The following PTPRT variants were observed in gnomAD, a reference collection of about 807,000 sequenced individuals.
The protein encoded by PTPRT is receptor-type tyrosine-protein phosphatase T.
Under a neutral mutation model 176.8 loss-of-function variants are expected in PTPRT, and 56 were observed. The observed-to-expected ratio is 0.32, with a 90% CI of 0.26 to 0.40. PTPRT has a LOEUF of 0.40. Among genes scored for constraint, PTPRT ranks in the 10% least tolerant of loss-of-function variants. The pLI, the probability that PTPRT is intolerant of heterozygous loss-of-function variation, is 1.00. For missense variants in PTPRT, 1,540 were observed against 1,908.2 expected, an observed-to-expected ratio of 0.81 and a Z score of 3.60; for synonymous variants, 783 against 739.0, an observed-to-expected ratio of 1.06 and a Z score of -0.96.
At chr20:42,196,619 T>C (rs960237577) in intron 16 of PTPRT, among the ~76,000 whole-genome samples, 1 of 152,182 alleles carries the variant, frequency 6.6e-6, no homozygotes, top group Non-Finnish European at 1.5e-5. Flanking sequence ...AGATGCAAAA[T>C]TATAGCTAGG....
At chr20:42,360,776 A>C (rs541963604) in intron 9 of PTPRT, among the ~76,000 whole-genome samples, 193 of 152,284 alleles carry the variant, frequency 1.3e-3, no homozygotes, top group African/African-American at 4.4e-3. Flanking sequence ...AAATAATCCC[A>C]TGATCCTGCT....
chr20:42,040,837 C>T, the PTPRT span, among the ~76,000 whole-genome samples: 3 of 152,158 alleles, frequency 2.0e-5, no homozygotes, highest in Non-Finnish European at 4.4e-5. Context: ...CATCATGTGC[C>T]TTCAGGGGGT....
intron 7 of PTPRT, among the ~76,000 whole-genome samples, chr20:42,554,188 CCATT>C (rs2072820216): frequency 6.6e-6 from 1 of 152,064 alleles, no homozygotes; most frequent in South Asian, 2.1e-4. Context: ...CTCTTGTATG[CCATT>C]CAGGGGCATC....
At position 42,124,442 on chromosome 20, in the gene PTPRT, C is replaced by T. The variant is rs146835785; in HGVS notation, c.2847+4312G>A. ...GTAATTCATAACAGATTTAAGTGGC[C>T]AATACATTTTCGGGTGTGCAAACAA... On this transcript the variant is annotated intron_variant, in intron 19 of 30. Coordinates refer to ENST00000373187, the MANE Select transcript of PTPRT (RefSeq NM_007050.6). Among the ~76,000 whole-genome samples, 230 of 152,258 alleles carry T rather than the reference C, an allele frequency of 1.5e-3. 1 individual carries two copies. The highest frequency in any genetic ancestry group is 5.2e-3 in the African/African-American group (216 of 41,542).
intron 1 of PTPRT, among the ~76,000 whole-genome samples, chr20:42,951,239 T>C (rs1981223344): frequency 1.3e-5 from 2 of 151,912 alleles, no homozygotes; most frequent in South Asian, 4.2e-4. Flanking sequence ...GGATGGATGC[T>C]TGGATTCATG....
At chr20:43,041,665 G>T (rs1039387507) in intron 1 of PTPRT, among the ~76,000 whole-genome samples, 1 of 152,208 alleles carries the variant, frequency 6.6e-6, no homozygotes, top group South Asian at 2.1e-4. Context: ...AACCTATGGT[G>T]AGCAAATGTG....
At chr20:42,156,243 G>C (rs1008514387) in intron 17 of PTPRT, among the ~76,000 whole-genome samples, 1 of 151,898 alleles carries the variant, frequency 6.6e-6, no homozygotes, top group Non-Finnish European at 1.5e-5. Flanking sequence ...CATAGCTCTG[G>C]ATATACCTCT....
Position 42,350,708 on chromosome 20 carries a change from G to A in PTPRT, c.1785C>T (p.Asp595=), listed in dbSNP as rs1161402032. 6.2e-7 allele frequency: 1 copy of A among 1,613,236 alleles called. No homozygotes were observed. The change falls in exon 11 of 31, where the codon GAC becomes GAT. Residue 595 remains aspartate (D), a synonymous_variant. Transcript: ENST00000373187. ...KISAPSMPEY[D]TDTPLNETDT... ...CTGTCTCATTCAATGGGGTGTCTGT[G>A]TCGTACTCAGGCATGGATGGAGCTG...
intron 1 of PTPRT, among the ~76,000 whole-genome samples, chr20:43,136,267 A>G (rs1429627854): frequency 2.0e-5 from 3 of 152,210 alleles, no homozygotes; most frequent in African/African-American, 7.2e-5. Context: ...AGTCTGCTGT[A>G]AATTCATCTC....
chr20:42,386,009 AT>A (rs1213823099), intron 9 of PTPRT, among the ~76,000 whole-genome samples: 7 of 152,238 alleles, frequency 4.6e-5, no homozygotes, highest in Non-Finnish European at 1.0e-4. Context: ...TTGTCCTAAA[AT>A]AAACAAACTA....
intron 1 of PTPRT, among the ~76,000 whole-genome samples, chr20:43,123,050 C>T (rs967633224): frequency 2.6e-5 from 4 of 152,108 alleles, no homozygotes; most frequent in African/African-American, 9.7e-5. Context: ...GATGGGGTTT[C>T]ATCATGTTGG....
At position 42,287,461 on chromosome 20, in the gene PTPRT, G is replaced by A. The variant is rs533090486; in HGVS notation, c.2140-4936C>T. Reference sequence around the variant, plus strand: ...ATGGAACTAGAGGACATTACATTAAGGAAAATAAGCAGTAAACAGAAAGTT... The same window carrying A: ...ATGGAACTAGAGGACATTACATTAAAGAAAATAAGCAGTAAACAGAAAGTT... On this transcript the variant is annotated intron_variant, in intron 12 of 30. Transcript: ENST00000373187. 7.9e-5 allele frequency among the ~76,000 whole-genome samples: 12 copies of A among 151,886 alleles called. 1 individual carries two copies. The East Asian group carries it at 2.3e-3, about 29-fold the overall frequency.
chr20:42,972,635 A>T (rs1458948897), intron 1 of PTPRT, among the ~76,000 whole-genome samples: 1 of 134,842 alleles, frequency 7.4e-6, no homozygotes, highest in Admixed American at 9.0e-5. Flanking sequence ...GTGTCCCTGC[A>T]CTCCAGCCTG....
intron 3 of PTPRT, among the ~76,000 whole-genome samples, chr20:42,787,584 G>C (rs1168870011): frequency 6.6e-6 from 1 of 152,170 alleles, no homozygotes; most frequent in African/African-American, 2.4e-5. Flanking sequence ...ATGTTCCACA[G>C]AGCACACTCT....
chr20:42,498,909 A>G (rs1030791499), intron 7 of PTPRT, among the ~76,000 whole-genome samples: 21 of 152,298 alleles, frequency 1.4e-4, no homozygotes, highest in African/African-American at 5.1e-4. Context: ...ATATTGATTT[A>G]TGTCTTTGCC....
intron 29 of PTPRT, among the ~76,000 whole-genome samples, chr20:42,083,149 A>G (rs1568908301): frequency 6.7e-6 from 1 of 148,636 alleles, no homozygotes; most frequent in East Asian, 2.0e-4. Context: ...AGGCTAAAAA[A>G]CAAACATGAG....
At position 42,115,129 on chromosome 20, in the gene PTPRT, C is replaced by CAT. The variant is rs1987203674; in HGVS notation, c.3099+68_3099+69dup. On this transcript the variant is annotated intron_variant, in intron 22 of 30. Transcript: ENST00000373187. ...ACGTAGAGCAGACCCTCAGTTACCACATGTTCTGGATGAACAAACAAGCTG... is the reference window on the plus strand; with the variant it reads ...ACGTAGAGCAGACCCTCAGTTACCACATATGTTCTGGATGAACAAACAAGCTG... The CAT allele has an allele frequency of 7.4e-5, 85 of 1,141,586 alleles. 1 individual carries two copies. The South Asian group carries it at 1.0e-3, about 14-fold the overall frequency. 70.7% of individuals were successfully genotyped at this position (1,141,586 alleles called of 1,614,324 possible).
chr20:42,809,362 C>T (rs145998912), intron 2 of PTPRT, among the ~76,000 whole-genome samples: 2,006 of 152,184 alleles, frequency 0.013, 23 homozygotes, highest in Non-Finnish European at 0.023. Flanking sequence ...GTGTGGCTCC[C>T]GGATCAGGAT....
At position 42,156,486 on chromosome 20, in the gene PTPRT, G is replaced by A. The variant is rs530337410; in HGVS notation, c.2682+4866C>T. ...CATCTATAGGCCAATAACTCCCAAA[G>A]CTTTCTCTCCAGCCCAGGCTTCTTT... On this transcript the variant is annotated intron_variant, in intron 17 of 30. Coordinates refer to ENST00000373187, the MANE Select transcript of PTPRT (RefSeq NM_007050.6). Among the ~76,000 whole-genome samples, 18 of 152,302 alleles carry A rather than the reference G, an allele frequency of 1.2e-4. No homozygotes were observed. In the South Asian group the frequency reaches 3.1e-3, roughly 26 times the overall value.
Sources: gnomAD v4.1 joint callset for allele counts (sites outside exome capture counted in the v4.1 genomes callset) on GRCh38, gnomAD v4.1.1 for gene constraint, MANE v1.5 for transcripts, NCBI Gene and HGNC (gene_info 2026-07-23, HGNC 2026-07-21) for gene names.